The following ZAP70 variants were observed in gnomAD, a reference collection of about 807,000 sequenced individuals.
The protein encoded by ZAP70 is zeta chain of T cell receptor associated protein kinase 70.
Under a neutral mutation model 65.8 loss-of-function variants are expected in ZAP70, and 27 were observed. The ratio of observed to expected loss-of-function variants is 0.41; its 90% CI spans 0.30 to 0.57. ZAP70 has a LOEUF of 0.57. ZAP70 is among the 20% of genes least tolerant of loss of function. The probability of loss-of-function intolerance (pLI) is 0.28; values close to 1 mark genes in which losing one functional copy is unlikely to be tolerated. For missense variants in ZAP70, 696 were observed against 870.5 expected (o/e 0.80, Z 2.52); for synonymous variants, 363 against 360.8 (o/e 1.01, Z -0.07).
chr2:97,741,225 C>T (rs1458903969), downstream of ZAP70, among the ~76,000 whole-genome samples: 1 of 152,210 alleles, frequency 6.6e-6, no homozygotes, highest in Non-Finnish European at 1.5e-5. Context: ...CTCAGTTTCC[C>T]TCCCAACACT....
the ZAP70 span, among the ~76,000 whole-genome samples, chr2:97,752,267 A>C: frequency 6.6e-6 from 1 of 152,238 alleles, no homozygotes; most frequent in Non-Finnish European, 1.5e-5. Context: ...TTTCATTCAC[A>C]GGGGGATGTT....
chr2:97,720,396 T>C (rs1400602929), intron 2 of ZAP70, among the ~76,000 whole-genome samples: 1 of 151,960 alleles, frequency 6.6e-6, no homozygotes, highest in Non-Finnish European at 1.5e-5. Context: ...CCCGACTAAT[T>C]TTTTTGTATT....
chr2:97,735,340 C>T lies in ZAP70; in HGVS notation c.1173C>T (p.His391=). The T allele has an allele frequency of 1.9e-6, 3 of 1,614,172 alleles. No individual in the cohort carries two copies. The highest frequency in any genetic ancestry group is 2.5e-6 in the Non-Finnish European group (3 of 1,179,992). Residue 391 remains histidine, a synonymous_variant, in exon 10 of 14, where the codon CAC becomes CAT. Transcript: ENST00000264972. The stretch of plus-strand genomic sequence containing the variant: ...TGATGCGCGAGGCGCAGATCATGCA[C>T]CAGCTGGACAACCCCTACATCGTGC... The part of the protein sequence containing the change: ...EEMMREAQIM[H]QLDNPYIVRL...
chr2:97,741,377 T>G (rs1484516600), downstream of ZAP70, among the ~76,000 whole-genome samples: 1 of 152,194 alleles, frequency 6.6e-6, no homozygotes, highest in Non-Finnish European at 1.5e-5. Flanking sequence ...CCGCTGCCGC[T>G]GCCTGGAAAG....
downstream of ZAP70, among the ~76,000 whole-genome samples, chr2:97,740,040 G>A (rs534376843): frequency 1.3e-5 from 2 of 152,272 alleles, no homozygotes; most frequent in East Asian, 3.9e-4. Context: ...CGGCTGGGGT[G>A]GAGTGGGGAA....
chr2:97,735,527 C>T, intron 10 of ZAP70, 71 bp downstream of exon 10: 3 of 1,532,280 alleles, frequency 2.0e-6, no homozygotes, highest in Non-Finnish European at 2.6e-6. Flanking sequence ...TGGACATGCA[C>T]CCGCGTGCAT....
downstream of ZAP70, among the ~76,000 whole-genome samples, chr2:97,742,700 C>CA (rs1678160915): frequency 6.6e-6 from 1 of 152,202 alleles, no homozygotes; most frequent in African/African-American, 2.4e-5. Context: ...TTGTGGGAGG[C>CA]AATTCTGATG....
intron 2 of ZAP70, among the ~76,000 whole-genome samples, chr2:97,718,557 T>C (rs1677041211): frequency 6.6e-6 from 1 of 152,094 alleles, no homozygotes; most frequent in African/African-American, 2.4e-5. Flanking sequence ...ACCGTTGTCC[T>C]TGTGGGCAGT....
the ZAP70 span, among the ~76,000 whole-genome samples, chr2:97,754,165 C>G: frequency 6.6e-6 from 1 of 152,142 alleles, no homozygotes. Flanking sequence ...CACTCAAATA[C>G]CTACCCTTAG....
At chr2:97,738,165 C>A in intron 13 of ZAP70, 58 bp downstream of exon 13, 1 of 1,474,790 alleles carries the variant, frequency 6.8e-7, no homozygotes, top group South Asian at 1.2e-5. Context: ...TCCTGGTGCC[C>A]GATGAGTTGA....
chr2:97,727,492 C>T lies in ZAP70; in HGVS notation c.563+2240C>T, dbSNP rs528135323. Among the ~76,000 whole-genome samples, 77 of 152,308 alleles carry T rather than the reference C, an allele frequency of 5.1e-4. No homozygotes were observed. In the South Asian group the frequency reaches 0.011, roughly 22 times the overall value. ...GCATCACCCCACCCCAGGTGTGACC[C>T]TCGCCAAGATGTTAGTAATGTTTGC... On this transcript the variant is annotated intron_variant, in intron 4 of 13. Transcript: ENST00000264972.
chr2:97,724,885 C>T (rs551542724), intron 3 of ZAP70: 3 of 1,531,782 alleles, frequency 2.0e-6, no homozygotes, highest in Non-Finnish European at 2.6e-6. Flanking sequence ...CTTGGGGCCG[C>T]GCTGGAAGGT....
Position 97,737,467 on chromosome 2 carries a change from C to A in ZAP70, c.1290-6C>A. Reference sequence around the variant, plus strand: ...CCAGCTGACCCCGCCTTCCCCGCCACCCCAGGGAGGAGATCCCTGTGAGCA... The same window carrying A: ...CCAGCTGACCCCGCCTTCCCCGCCAACCCAGGGAGGAGATCCCTGTGAGCA... On this transcript the variant is annotated splice_polypyrimidine_tract_variant and splice_region_variant and intron_variant, in intron 10 of 13. Transcript: ENST00000264972. The surrounding 1 kb of genome is among the most constrained non-coding windows in gnomAD (Gnocchi z 5.0). The A allele has an allele frequency of 6.2e-7, 1 of 1,613,970 alleles. No individual in the cohort carries two copies. Among genetic ancestry groups the A allele is most frequent in the South Asian group, 1.1e-5 (1 of 91,082 alleles).
the ZAP70 span, among the ~76,000 whole-genome samples, chr2:97,748,939 G>GT: frequency 4.0e-5 from 6 of 151,858 alleles, no homozygotes; most frequent in Admixed American, 3.3e-4. Context: ...TCTTAGGTCC[G>GT]TGACGGTTTA....
chr2:97,717,707 T>C (rs1208601020), intron 2 of ZAP70, among the ~76,000 whole-genome samples: 2 of 152,246 alleles, frequency 1.3e-5, no homozygotes, highest in African/African-American at 2.4e-5. Flanking sequence ...TTCCATGTGG[T>C]CTTCTCGGAG....
chr2:97,733,015 C>T lies in ZAP70; in HGVS notation c.696C>T (p.Leu232=), dbSNP rs1303510940. 2 of 1,614,010 alleles carry T rather than the reference C, an allele frequency of 1.2e-6. No individual in the cohort carries two copies. The highest frequency in any genetic ancestry group is 1.7e-6 in the Non-Finnish European group (2 of 1,180,048). The change falls in exon 5 of 14, where the codon CTC becomes CTT. Residue 232 remains leucine, a synonymous_variant. Coordinates refer to ENST00000264972, the MANE Select transcript of ZAP70 (RefSeq NM_001079.4). ...CIPEGTKFDT[L]WQLVEYLKLK... The stretch of plus-strand genomic sequence containing the variant: ...CCGAGGGCACCAAGTTTGACACGCT[C>T]TGGCAGGTAGGCTGCCCGTGCAACT...
the ZAP70 span, among the ~76,000 whole-genome samples, chr2:97,755,292 G>GA: frequency 1.8e-4 from 28 of 151,900 alleles, no homozygotes; most frequent in South Asian, 6.2e-4. Context: ...CTAGTTAAAA[G>GA]AAAAAAAATA....
At chr2:97,738,559 C>T (rs771573482) in intron 13 of ZAP70, 11 of 242,828 alleles carry the variant, frequency 4.5e-5, no homozygotes, top group African/African-American at 8.9e-5. Context: ...CCACCTCTGC[C>T]TGGTTGAAGC....
rs571921238 is a variant in ZAP70 at position 97,736,657 on chromosome 2, C to A, written c.1290-816C>A. Among the ~76,000 whole-genome samples the A allele has an allele frequency of 2.0e-5, 3 of 152,244 alleles. No homozygotes were observed. The East Asian group carries it at 5.8e-4, about 29-fold the overall frequency. The stretch of plus-strand genomic sequence containing the variant: ...GTGTTGGGGTGCGAGGTGCAGTGAG[C>A]AGGGAGGTTTGAACAAACTGAGGGA... On this transcript the variant is annotated intron_variant, in intron 10 of 13. Transcript: ENST00000264972. The surrounding 1 kb of genome is among the most constrained non-coding windows in gnomAD (Gnocchi z 4.0).
Sources: allele counts gnomAD v4.1 joint callset (sites outside exome capture counted in the v4.1 genomes callset), GRCh38; gene constraint gnomAD v4.1.1; non-coding constraint Gnocchi (gnomAD v3.1); transcripts MANE v1.5; gene names NCBI Gene and HGNC (gene_info 2026-07-23, HGNC 2026-07-21).